CAP2: variants seen among roughly 807,000 people sequenced by gnomAD.
CAP2 encodes adenylyl cyclase-associated protein 2.
Under a neutral mutation model 57.7 loss-of-function variants are expected in CAP2, and 24 were observed. The ratio of observed to expected loss-of-function variants is 0.42; its 90% CI spans 0.30 to 0.58. The LOEUF (loss-of-function observed/expected upper bound fraction) is 0.58. Ranked by LOEUF, CAP2 falls within the 20% of genes least tolerant of loss-of-function variation. The pLI is 0.22. For missense variants in CAP2, 501 were observed against 590.3 expected, an observed-to-expected ratio of 0.85 and a Z score of 1.57; for synonymous variants, 194 against 207.2, an observed-to-expected ratio of 0.94 and a Z score of 0.55.
At chr6:17,532,435 C>T (rs1221231374) in intron 7 of CAP2, among the ~76,000 whole-genome samples, 2 of 150,420 alleles carry the variant, frequency 1.3e-5, no homozygotes, top group Middle Eastern at 3.2e-3. Context: ...GCCACCGCGC[C>T]CAGCTGGGTT....
At chr6:17,517,572 T>C (rs544842171) in intron 7 of CAP2, among the ~76,000 whole-genome samples, 1 of 152,326 alleles carries the variant, frequency 6.6e-6, no homozygotes, top group East Asian at 1.9e-4. Flanking sequence ...ATTGATTTCA[T>C]GACCCCACTA....
intron 7 of CAP2, among the ~76,000 whole-genome samples, chr6:17,516,278 C>T (rs1762272938): frequency 6.6e-6 from 1 of 152,208 alleles, no homozygotes; most frequent in Non-Finnish European, 1.5e-5. Context: ...AAACTCATCT[C>T]TTGTCTCCAG....
intron 1 of CAP2, among the ~76,000 whole-genome samples, chr6:17,405,979 G>A (rs1325692932): frequency 6.6e-6 from 1 of 151,988 alleles, no homozygotes; most frequent in African/African-American, 2.4e-5. Flanking sequence ...GGGCTCAAGC[G>A]ATCTCCCTAC....
chr6:17,464,527 T>A (rs1361848196), intron 4 of CAP2, among the ~76,000 whole-genome samples: 5 of 152,238 alleles, frequency 3.3e-5, no homozygotes, highest in Middle Eastern at 3.4e-3. Flanking sequence ...TGCAAAATTT[T>A]AAAAAATACC....
chr6:17,452,538 A>G (rs1760439441), intron 3 of CAP2, among the ~76,000 whole-genome samples: 1 of 152,208 alleles, frequency 6.6e-6, no homozygotes, highest in South Asian at 2.1e-4. Context: ...TGGCTATGAC[A>G]GCACAAAGGG....
At chr6:17,498,595 A>G (rs1340526001) in intron 4 of CAP2, among the ~76,000 whole-genome samples, 8 of 152,222 alleles carry the variant, frequency 5.3e-5, no homozygotes, top group African/African-American at 1.7e-4. Context: ...TGAAGATGTC[A>G]GTAAAGGGGC....
chr6:17,531,739 A>G, intron 7 of CAP2: 2 of 604,816 alleles, frequency 3.3e-6, no homozygotes, highest in Non-Finnish European at 5.8e-6. Context: ...TGTCGTCTAT[A>G]TACATTCCCC....
chr6:17,413,922 A>T (rs6900065), intron 1 of CAP2, among the ~76,000 whole-genome samples: 66,415 of 151,738 alleles, frequency 0.44, 17,281 homozygotes, highest in African/African-American at 0.73. Flanking sequence ...GGCATGGTGG[A>T]GGGCGCCTGT....
intron 3 of CAP2, among the ~76,000 whole-genome samples, chr6:17,459,464 A>G (rs1233713158): frequency 1.3e-5 from 2 of 152,228 alleles, no homozygotes; most frequent in Admixed American, 6.5e-5. Context: ...GAAAGAGCCA[A>G]TGTGGCAGCT....
chr6:17,547,084 G>A (rs1046364747), intron 11 of CAP2, among the ~76,000 whole-genome samples: 7 of 152,148 alleles, frequency 4.6e-5, no homozygotes, highest in Admixed American at 1.3e-4. Context: ...ATTCACAATT[G>A]CTTCAAAGAG....
chr6:17,439,322 T>C (rs750682483), intron 3 of CAP2, among the ~76,000 whole-genome samples: 6 of 150,858 alleles, frequency 4.0e-5, no homozygotes, highest in Non-Finnish European at 7.4e-5. Flanking sequence ...ATTTCCCCCA[T>C]GGATCGAAAT....
intron 1 of CAP2, among the ~76,000 whole-genome samples, chr6:17,415,117 G>C (rs1759240782): frequency 6.6e-6 from 1 of 151,936 alleles, no homozygotes; most frequent in Non-Finnish European, 1.5e-5. Flanking sequence ...CTTGGATCTG[G>C]GTCTCTCTTG....
At chr6:17,499,821 A>G (rs1037521318) in intron 4 of CAP2, among the ~76,000 whole-genome samples, 7 of 151,358 alleles carry the variant, frequency 4.6e-5, no homozygotes, top group African/African-American at 1.7e-4. Context: ...ACTGCACTCC[A>G]GCCTGGGTGA....
At chr6:17,474,470 C>T (rs2113613478) in intron 4 of CAP2, among the ~76,000 whole-genome samples, 1 of 152,154 alleles carries the variant, frequency 6.6e-6, no homozygotes, top group Admixed American at 6.5e-5. Context: ...ATACTGCAGC[C>T]CTCTTTAATT....
intron 3 of CAP2, among the ~76,000 whole-genome samples, chr6:17,433,497 A>T (rs1427607043): frequency 6.6e-6 from 1 of 152,200 alleles, no homozygotes; most frequent in Non-Finnish European, 1.5e-5. Context: ...AGAGGAGGAT[A>T]GGTCTCCATG....
At chr6:17,460,585 A>G (rs1760691446) in intron 3 of CAP2, among the ~76,000 whole-genome samples, 1 of 152,200 alleles carries the variant, frequency 6.6e-6, no homozygotes, top group African/African-American at 2.4e-5. Context: ...GAATTATAAC[A>G]TGTCATTTTA....
chr6:17,496,709 C>T (rs1247458530), intron 4 of CAP2, among the ~76,000 whole-genome samples: 1 of 152,154 alleles, frequency 6.6e-6, no homozygotes, highest in Non-Finnish European at 1.5e-5. Flanking sequence ...GATTAAGGAT[C>T]ACTGGAGCTA....
At chr6:17,510,501 G>A (rs1762117156) in intron 6 of CAP2, among the ~76,000 whole-genome samples, 3 of 152,142 alleles carry the variant, frequency 2.0e-5, no homozygotes, top group Non-Finnish European at 4.4e-5. Context: ...TGCCCACCCC[G>A]AGAAAACTTT....
chr6:17,474,534 G>A (rs1205647781), intron 4 of CAP2, among the ~76,000 whole-genome samples: 3 of 151,944 alleles, frequency 2.0e-5, no homozygotes, highest in South Asian at 2.1e-4. Context: ...AGTATTTATC[G>A]CATGCCTACT....
Sources: allele counts gnomAD v4.1 joint callset (sites outside exome capture counted in the v4.1 genomes callset), GRCh38; gene constraint gnomAD v4.1.1; transcripts MANE v1.5; gene names NCBI Gene and HGNC (gene_info 2026-07-23, HGNC 2026-07-21).